The following SARDH variants were observed in gnomAD, a reference collection of about 807,000 sequenced individuals.
SARDH encodes sarcosine dehydrogenase, also known as sarcosine dehydrogenase, mitochondrial.
A neutral mutation model predicts 109.1 loss-of-function variants in SARDH; 95 were observed. The observed-to-expected ratio is 0.87, with a 90% CI of 0.74 to 1.03. The LOEUF (loss-of-function observed/expected upper bound fraction) is 1.03, where lower values mean the gene tolerates loss of function less well. Ranked by LOEUF, SARDH falls within the 50% of genes least tolerant of loss-of-function variation. SARDH has a pLI of 0.00. For synonymous variants in SARDH, 572 were observed against 534.8 expected (o/e 1.07, Z -0.96); for missense variants, 1,267 against 1,287.8 (o/e 0.98, Z 0.25).
At chr9:133,664,884 G>C (rs1174620226) in intron 20 of SARDH, among the ~76,000 whole-genome samples, 1 of 152,230 alleles carries the variant, frequency 6.6e-6, no homozygotes, top group African/African-American at 2.4e-5. Flanking sequence ...GTGGCCTTCA[G>C]ATGTCCACGG....
Position 133,712,992 on chromosome 9 carries a change from CAGGACCTCCCTCTTGGGGGCCAGG to C in SARDH, c.1237+22_1237+45del, listed in dbSNP as rs745755656. ...GCCTCCCCCAGAGCTCTGGGAATGA[CAGGACCTCCCTCTTGGGGGCCAGG>C]AGGGCTGCTGCCCGGACTCACCTGC... On this transcript the variant is annotated intron_variant, in intron 9 of 20. Coordinates refer to ENST00000439388, the MANE Select transcript of SARDH (RefSeq NM_001134707.2). The surrounding 1 kb of genome is among the most constrained non-coding windows in gnomAD (Gnocchi z 4.1). 6.3e-5 allele frequency: 98 copies of C among 1,554,866 alleles called. 2 individuals are homozygous for C. In the East Asian group the frequency reaches 2.1e-3, roughly 33 times the overall value.
chr9:133,705,052 G>C, intron 11 of SARDH, 21 bp from the exon 12 acceptor site: 1 of 1,575,174 alleles, frequency 6.3e-7, no homozygotes, highest in Non-Finnish European at 8.6e-7. Context: ...GTGGGGAACA[G>C]GCATCTGTCA....
chr9:133,700,249 C>T (rs1033726764), intron 13 of SARDH, among the ~76,000 whole-genome samples: 1 of 152,172 alleles, frequency 6.6e-6, no homozygotes, highest in East Asian at 1.9e-4. Context: ...ATCGCTTGAA[C>T]CTGAGAGGCA....
At chr9:133,676,775 T>C (rs2131347445) in intron 17 of SARDH, among the ~76,000 whole-genome samples, 1 of 152,306 alleles carries the variant, frequency 6.6e-6, no homozygotes, top group East Asian at 1.9e-4. Context: ...TGGTCGGTCA[T>C]GAGCAGTCAG....
intron 3 of SARDH, 31 bp from the exon 4 acceptor site, chr9:133,731,515 C>A (rs764074110): frequency 1.2e-6 from 2 of 1,608,660 alleles, no homozygotes; most frequent in African/African-American, 1.3e-5. Context: ...TTAACTGAGT[C>A]CGTGGGGAGC....
At chr9:133,688,541 C>T (rs976241400) in intron 16 of SARDH, among the ~76,000 whole-genome samples, 5 of 152,086 alleles carry the variant, frequency 3.3e-5, no homozygotes, top group Non-Finnish European at 7.4e-5. Flanking sequence ...CAGCAGAGAC[C>T]CCCCCACCAA....
chr9:133,680,011 G>A (rs1830642931), intron 17 of SARDH, among the ~76,000 whole-genome samples: 1 of 152,204 alleles, frequency 6.6e-6, no homozygotes, highest in South Asian at 2.1e-4. Context: ...TAAATACCTG[G>A]CTCAGGCCCA....
chr9:133,708,042 C>T (rs932550166), intron 11 of SARDH, among the ~76,000 whole-genome samples: 1 of 152,168 alleles, frequency 6.6e-6, no homozygotes, highest in African/African-American at 2.4e-5. Flanking sequence ...CGTTCCTGCT[C>T]CTCCACTACA....
chr9:133,696,167 C>T, intron 14 of SARDH, 56 bp downstream of exon 14: 1 of 1,604,268 alleles, frequency 6.2e-7, no homozygotes, highest in Non-Finnish European at 8.5e-7. Context: ...ATCTCAGTGC[C>T]TGAGGCTGTG....
At chr9:133,683,707 C>A (rs1279630433) in intron 17 of SARDH, among the ~76,000 whole-genome samples, 10 of 152,234 alleles carry the variant, frequency 6.6e-5, no homozygotes, top group Admixed American at 6.5e-4. Context: ...GCCGCCTCCT[C>A]CCTGACAGTC....
In SARDH at chr9:133,730,178, T is replaced by C; in HGVS notation, c.700A>G (p.Asn234Asp). 1 of 1,614,166 alleles carries C rather than the reference T, an allele frequency of 6.2e-7. No individual in the cohort carries two copies. The highest frequency in any genetic ancestry group is 8.5e-7 in the Non-Finnish European group (1 of 1,180,032). The change falls in exon 5 of 21, where the codon AAC (asparagine) becomes GAC (aspartate). Residue 234 changes from asparagine (N) to aspartate (D), a missense_variant. Asn to Asp is a conservative substitution (Grantham distance 23). Transcript: ENST00000439388. ...ASARGAQVIE[N>D]CPVTGIRVWT... ...ACACGAATGCCGGTCACTGGGCAGT[T>C]CTCAATGACCTGGAATTGAGAGGAA...
At chr9:133,659,609 T>G (rs1201271698), downstream of SARDH, among the ~76,000 whole-genome samples, 1 of 152,124 alleles carries the variant, frequency 6.6e-6, no homozygotes. Flanking sequence ...GAGAGGGAGA[T>G]GGATGGGCCT....
In SARDH at chr9:133,693,535, C is replaced by T. The variant is rs1831177160; in HGVS notation, c.1921+723G>A. On this transcript the variant is annotated intron_variant, in intron 15 of 20. Transcript: ENST00000439388. This position sits in a 1 kb window ranked among gnomAD's most constrained non-coding sequence, Gnocchi z 5.6. ...GTCAGCACCTTCCCCTGTGCAGGTCCCATCCCAGAGGTGGCAATGCCTCTT... is the reference window on the plus strand; with the variant it reads ...GTCAGCACCTTCCCCTGTGCAGGTCTCATCCCAGAGGTGGCAATGCCTCTT... 6.6e-6 allele frequency among the ~76,000 whole-genome samples: 1 copy of T among 152,204 alleles called. No homozygotes were observed. The highest frequency in any genetic ancestry group is 2.4e-5 in the African/African-American group (1 of 41,458).
At position 133,670,643 on chromosome 9, in the gene SARDH, G is replaced by A. The variant is rs1830311321; in HGVS notation, c.2436C>T (p.Ala812=). 6.3e-7 allele frequency: 1 copy of A among 1,587,962 alleles called. No individual in the cohort carries two copies. The highest frequency in any genetic ancestry group is 8.6e-7 in the Non-Finnish European group (1 of 1,167,892). Reference sequence around the variant, plus strand: ...GGCCTGCGGCCCGCTGCTGCTCCAGGGCCTCCCTCCCCAGGAAGGGCACCG... The same window carrying A: ...GGCCTGCGGCCCGCTGCTGCTCCAGAGCCTCCCTCCCCAGGAAGGGCACCG... ...KSPVPFLGRE[A]LEQQRAAGLR... Residue 812 remains alanine (A), a synonymous_variant, in exon 19 of 21, where the codon GCC becomes GCT. Coordinates refer to ENST00000439388, the MANE Select transcript of SARDH (RefSeq NM_001134707.2).
chr9:133,676,487 C>G (rs747238179), intron 17 of SARDH, among the ~76,000 whole-genome samples: 3 of 152,194 alleles, frequency 2.0e-5, no homozygotes, highest in Non-Finnish European at 4.4e-5. Flanking sequence ...ATTAACAAAC[C>G]AGCCAGCAAA....
intron 14 of SARDH, among the ~76,000 whole-genome samples, 194 bp from the exon 15 acceptor site, chr9:133,694,565 G>C (rs995697440): frequency 6.6e-6 from 1 of 152,212 alleles, no homozygotes; most frequent in South Asian, 2.1e-4. Context: ...TAATGACCCA[G>C]AGAGGACTGG....
Position 133,686,072 on chromosome 9 carries a change from G to C in SARDH, c.2070-786C>G, listed in dbSNP as rs539148553. ...GGCAGGGCTGCACCTGAGTGCCACA[G>C]TGCTATGAGGGCCCGGGAATGTTCC... On this transcript the variant is annotated intron_variant, in intron 16 of 20. Coordinates refer to ENST00000439388, the MANE Select transcript of SARDH (RefSeq NM_001134707.2). The surrounding 1 kb of genome is among the most constrained non-coding windows in gnomAD (Gnocchi z 4.0). Among the ~76,000 whole-genome samples, 2 of 152,290 alleles carry C rather than the reference G, an allele frequency of 1.3e-5. No individual in the cohort carries two copies. Among genetic ancestry groups the C allele is most frequent in the African/African-American group, 4.8e-5 (2 of 41,546 alleles).
intron 12 of SARDH, 28 bp from the exon 13 acceptor site, chr9:133,703,057 C>T: frequency 6.3e-7 from 1 of 1,590,212 alleles, no homozygotes; most frequent in Non-Finnish European, 8.6e-7. Context: ...GGTCCTCAGC[C>T]TGCCTCTTTG....
chr9:133,733,413 CT>C (rs1444002215), intron 2 of SARDH, among the ~76,000 whole-genome samples: 2 of 152,206 alleles, frequency 1.3e-5, no homozygotes, highest in East Asian at 3.9e-4. Context: ...TATATGCCCC[CT>C]GGTTAGTTAG....
Sources: allele counts gnomAD v4.1 joint callset (sites outside exome capture counted in the v4.1 genomes callset), GRCh38; gene constraint gnomAD v4.1.1; non-coding constraint Gnocchi (gnomAD v3.1); transcripts MANE v1.5; gene names NCBI Gene and HGNC (gene_info 2026-07-23, HGNC 2026-07-21).